Variants in PDCD7 observed in about 807,000 individuals in gnomAD.
The protein encoded by PDCD7 is programmed cell death protein 7.
Under a neutral mutation model 42.1 loss-of-function variants are expected in PDCD7, and 40 were observed. That is an observed-to-expected ratio of 0.95 (90% CI 0.74 to 1.24). PDCD7 has a LOEUF of 1.24. PDCD7 is among the 50% of genes most tolerant of loss of function. The pLI, the probability that PDCD7 is intolerant of heterozygous loss-of-function variation, is 0.00. For synonymous variants in PDCD7, 299 were observed against 303.3 expected (o/e 0.99, Z 0.15); for missense variants, 644 against 662.8 (o/e 0.97, Z 0.31).
chr15:65,126,757 AAAAAAAAAAAAGC>A (rs1337339639), intron 2 of PDCD7, among the ~76,000 whole-genome samples: 6 of 146,746 alleles, frequency 4.1e-5, no homozygotes, highest in South Asian at 2.1e-4. Flanking sequence ...CTGTCTTTTA[AAAAAAAAAAAAGC>A]AAAAAAAAAA....
chr15:65,121,303 T>C (rs941515542), intron 2 of PDCD7, among the ~76,000 whole-genome samples: 1 of 152,168 alleles, frequency 6.6e-6, no homozygotes, highest in African/African-American at 2.4e-5. Flanking sequence ...TCCACCCACC[T>C]TGGCCTCCCA....
At chr15:65,123,852 G>A (rs898166435) in intron 2 of PDCD7, among the ~76,000 whole-genome samples, 21 of 152,268 alleles carry the variant, frequency 1.4e-4, no homozygotes, top group African/African-American at 5.1e-4. Context: ...CTTATACACT[G>A]ACAAATTTAA....
In PDCD7 at chr15:65,132,934, T is replaced by C. The variant is rs1484268951; in HGVS notation, c.848A>G (p.Gln283Arg). 23 of 1,605,406 alleles carry C rather than the reference T, an allele frequency of 1.4e-5. No homozygotes were observed. Among genetic ancestry groups the C allele is most frequent in the South Asian group, 2.2e-5 (2 of 91,088 alleles). ...CACCCGCTTCTTCTCCTCCACCTCC[T>C]GCACACACTTCACCCTCCAGCGGTC... ...EIDRWRVKCV[Q>R]EVEEKKREQE... The change falls in exon 1 of 5, where the codon CAG becomes CGG. Residue 283 changes from glutamine (Q) to arginine (R), a missense_variant. Coordinates refer to ENST00000204549, the MANE Select transcript of PDCD7 (RefSeq NM_005707.2).
At chr15:65,132,098 GTATGTGTATATA>G (rs2087544508) in intron 1 of PDCD7, among the ~76,000 whole-genome samples, 1 of 118,272 alleles carries the variant, frequency 8.5e-6, no homozygotes, top group African/African-American at 3.2e-5. Context: ...ATACATATAT[GTATGTGTATATA>G]TATGTATGTA....
intron 2 of PDCD7, 98 bp from the exon 3 acceptor site, chr15:65,120,052 C>G: frequency 1.6e-6 from 2 of 1,269,596 alleles, no homozygotes; most frequent in Non-Finnish European, 1.1e-6. Flanking sequence ...GTGATCATAG[C>G]TCACTGCAAC....
chr15:65,127,529 G>A (rs901296214), intron 2 of PDCD7, among the ~76,000 whole-genome samples: 1 of 151,228 alleles, frequency 6.6e-6, no homozygotes, highest in Non-Finnish European at 1.5e-5. Flanking sequence ...GAGAACTCTA[G>A]CATAGCCCAT....
rs758298394 is a variant in PDCD7, at chr15:65,119,960, C to G, written c.1010-6G>C. The G allele has an allele frequency of 1.1e-5, 17 of 1,592,552 alleles. No homozygotes were observed. The African/African-American group carries it at 2.2e-4, about 20-fold the overall frequency. ...TGAGGCTGGAGGACAGACCCCTGGGCAGACAGGACAAAATGGCATTTTATT... is the reference window on the plus strand; with the variant it reads ...TGAGGCTGGAGGACAGACCCCTGGGGAGACAGGACAAAATGGCATTTTATT... On this transcript the variant is annotated splice_polypyrimidine_tract_variant and splice_region_variant and intron_variant, in intron 2 of 4. Transcript: ENST00000204549.
rs1191667204 is a variant in PDCD7 at position 65,133,424 on chromosome 15, G to A, written c.358C>T (p.Pro120Ser). 2 of 1,182,934 alleles carry A rather than the reference G, an allele frequency of 1.7e-6. No homozygotes were observed. Among genetic ancestry groups the A allele is most frequent in the East Asian group, 7.4e-5 (2 of 27,058 alleles). 73.3% of individuals were successfully genotyped at this position (1,182,934 alleles called of 1,614,324 possible). A position where few individuals can be genotyped will look rare whatever the true frequency, so the allele number is the denominator to read the frequency against. Residue 120 changes from proline to serine, a missense_variant, in exon 1 of 5, where the codon CCG becomes TCG. Transcript: ENST00000204549. ...GGCGGCGGCGCCTCAGGCCACCGCG[G>A]GCTCCAGGGCGGCCCCGGGCCGGGA... is the stretch of plus-strand genomic sequence containing the variant. ...PPPGPGPPWS[P>S]RWPEAPPPPA...
In PDCD7 at chr15:65,132,659, G is replaced by A. The variant is rs2087550596; in HGVS notation, c.870+253C>T. ...TGTTGGAGCAGGATAGGGGAGACCT[G>A]TCATTCGTGCAGTGCCACCGTGTAA... On this transcript the variant is annotated intron_variant, in intron 1 of 4. Transcript: ENST00000204549. Among the ~76,000 whole-genome samples, 3 of 152,170 alleles carry A rather than the reference G, an allele frequency of 2.0e-5. 1 individual carries two copies. The highest frequency in any genetic ancestry group is 2.0e-4 in the Admixed American group (3 of 15,272).
intron 2 of PDCD7, among the ~76,000 whole-genome samples, chr15:65,126,399 G>C (rs2087496307): frequency 6.6e-6 from 1 of 152,062 alleles, no homozygotes; most frequent in African/African-American, 2.4e-5. Flanking sequence ...AAACTCGACA[G>C]GTCCCCAACT....
chr15:65,119,145 T>A (rs1026904594), intron 4 of PDCD7: 12 of 491,092 alleles, frequency 2.4e-5, no homozygotes, highest in Non-Finnish European at 1.4e-5. Context: ...CTGAGTTTTT[T>A]TCTTCACCTA....
At chr15:65,132,830 G>A in intron 1 of PDCD7, 82 bp downstream of exon 1, 1 of 1,572,798 alleles carries the variant, frequency 6.4e-7, no homozygotes. Context: ...CTTAGCCCTG[G>A]GAAATGGAAG....
intron 1 of PDCD7, among the ~76,000 whole-genome samples, chr15:65,132,710 T>C (rs1295564098): frequency 6.6e-6 from 1 of 152,150 alleles, no homozygotes; most frequent in Non-Finnish European, 1.5e-5. Context: ...TTACAGGATT[T>C]TACAGTGCAC....
chr15:65,133,338 C>A lies in PDCD7; in HGVS notation c.444G>T (p.Glu148Asp). 1 of 1,267,002 alleles carries A rather than the reference C, an allele frequency of 7.9e-7. No individual in the cohort carries two copies. 78.5% of individuals were successfully genotyped at this position (1,267,002 alleles called of 1,614,324 possible). Reference sequence around the variant, plus strand: ...CCCGCCGCGGGGTCCCGAACACCGCCTCCAGCCACTGCCGGTCGCGCAGGC... The same window carrying A: ...CCCGCCGCGGGGTCCCGAACACCGCATCCAGCCACTGCCGGTCGCGCAGGC... Reference protein sequence around the residue: ...LQRLRDRQWLEAVFGTPRRAG... With the variant: ...LQRLRDRQWLDAVFGTPRRAG... Residue 148 changes from glutamate to aspartate, a missense_variant, in exon 1 of 5, where the codon GAG becomes GAT. Coordinates refer to ENST00000204549, the MANE Select transcript of PDCD7 (RefSeq NM_005707.2).
At chr15:65,128,033 T>C (rs1457250623) in intron 2 of PDCD7, among the ~76,000 whole-genome samples, 2 of 152,240 alleles carry the variant, frequency 1.3e-5, no homozygotes, top group Admixed American at 1.3e-4. Context: ...GCCAATCACT[T>C]AGCTAGCAAA....
intron 2 of PDCD7, among the ~76,000 whole-genome samples, chr15:65,128,572 G>A (rs529996625): frequency 1.3e-5 from 2 of 152,330 alleles, no homozygotes; most frequent in South Asian, 4.1e-4. Flanking sequence ...CACACAGTCT[G>A]CAATCCCTGC....
intron 2 of PDCD7, among the ~76,000 whole-genome samples, chr15:65,121,885 A>C (rs1049640052): frequency 6.6e-6 from 1 of 152,196 alleles, no homozygotes; most frequent in African/African-American, 2.4e-5. Flanking sequence ...TAACTTAATG[A>C]ATATTTGAGT....
At position 65,122,261 on chromosome 15, in the gene PDCD7, A is replaced by T. The variant is rs374477267; in HGVS notation, c.1010-2307T>A. On this transcript the variant is annotated intron_variant, in intron 2 of 4. Coordinates refer to ENST00000204549, the MANE Select transcript of PDCD7 (RefSeq NM_005707.2). Reference sequence around the variant, plus strand: ...TAAGCCAGGAGAATCGCTTGAACCCAGGAGGTGGAGGCTGCAGTGAGCCAA... The same window carrying T: ...TAAGCCAGGAGAATCGCTTGAACCCTGGAGGTGGAGGCTGCAGTGAGCCAA... 6.5e-4 allele frequency among the ~76,000 whole-genome samples: 99 copies of T among 152,230 alleles called. 1 individual carries two copies. The highest frequency in any genetic ancestry group is 2.2e-3 in the African/African-American group (91 of 41,550).
At chr15:65,119,559 A>G in intron 3 of PDCD7, 96 bp from the exon 4 acceptor site, 1 of 1,230,970 alleles carries the variant, frequency 8.1e-7, no homozygotes, top group Non-Finnish European at 1.2e-6. Context: ...CGACAGAATG[A>G]GAAAATGTGT....
Sources: allele counts gnomAD v4.1 joint callset (sites outside exome capture counted in the v4.1 genomes callset), GRCh38; gene constraint gnomAD v4.1.1; transcripts MANE v1.5; gene names NCBI Gene and HGNC (gene_info 2026-07-23, HGNC 2026-07-21).